Variants in OR2L13 observed in about 807,000 individuals in gnomAD.
The protein encoded by OR2L13 is olfactory receptor 2L13.
OR2L13 carries 14 observed loss-of-function variants against 15.3 expected under a neutral mutation model. The observed-to-expected ratio is 0.91, with a 90% CI of 0.60 to 1.43. The LOEUF (loss-of-function observed/expected upper bound fraction) is 1.43. Ranked by LOEUF, OR2L13 falls within the 40% of genes most tolerant of loss-of-function variation. OR2L13 has a pLI of 0.00. For synonymous variants in OR2L13, 152 were observed against 142.9 expected (o/e 1.06, Z -0.45); for missense variants, 367 against 387.9 (o/e 0.95, Z 0.45).
the OR2L13 span, among the ~76,000 whole-genome samples, chr1:248,036,943 A>C: frequency 6.6e-6 from 1 of 152,206 alleles, no homozygotes; most frequent in East Asian, 1.9e-4. Context: ...TATGTAATCT[A>C]AGCATGAGGG....
At chr1:248,060,555 C>T in the OR2L13 span, 1 of 724,296 alleles carries the variant, frequency 1.4e-6, no homozygotes, top group Non-Finnish European at 2.4e-6. Flanking sequence ...GTATATAGGG[C>T]TCAGTGTCAA....
chr1:248,075,203 C>G, the OR2L13 span, among the ~76,000 whole-genome samples: 1 of 152,176 alleles, frequency 6.6e-6, no homozygotes. Context: ...GACATGAACT[C>G]ATTCTTTTTT....
At chr1:247,992,318 G>A in the OR2L13 span, among the ~76,000 whole-genome samples, 119 of 152,080 alleles carry the variant, frequency 7.8e-4, no homozygotes, top group Non-Finnish European at 1.4e-3. Context: ...TATTTTTTAA[G>A]GCTTCCTGTC....
chr1:247,952,886 T>A, the OR2L13 span, among the ~76,000 whole-genome samples: 2 of 152,134 alleles, frequency 1.3e-5, no homozygotes, highest in African/African-American at 4.8e-5. Context: ...GAAGTTAGTT[T>A]ACTGAAAAAC....
chr1:247,965,564 T>G, the OR2L13 span: 1 of 1,605,842 alleles, frequency 6.2e-7, no homozygotes, highest in East Asian at 2.2e-5. Context: ...TACTTTCTGC[T>G]CAGTCAGCTC....
intron 1 of OR2L13, among the ~76,000 whole-genome samples, chr1:248,097,870 T>C (rs1664770545): frequency 6.6e-6 from 1 of 152,228 alleles, no homozygotes; most frequent in African/African-American, 2.4e-5. Context: ...ATCAGGACAG[T>C]TGGTCGCCCA....
the OR2L13 span, among the ~76,000 whole-genome samples, chr1:248,073,504 A>T: frequency 6.6e-6 from 1 of 152,090 alleles, no homozygotes; most frequent in Admixed American, 6.6e-5. Context: ...GAGGGATAGC[A>T]TTAGGAGATA....
the OR2L13 span, among the ~76,000 whole-genome samples, chr1:248,085,081 C>G: frequency 4.6e-5 from 7 of 152,210 alleles, no homozygotes; most frequent in East Asian, 1.4e-3. Flanking sequence ...AAGCCTGTGC[C>G]AAGCCTTGTC....
the OR2L13 span, among the ~76,000 whole-genome samples, chr1:248,079,551 A>C: frequency 6.6e-6 from 1 of 152,196 alleles, no homozygotes; most frequent in African/African-American, 2.4e-5. Context: ...ACCTAATATC[A>C]AAACGTTTTA....
At chr1:247,986,430 G>A in the OR2L13 span, among the ~76,000 whole-genome samples, 27 of 152,174 alleles carry the variant, frequency 1.8e-4, no homozygotes, top group African/African-American at 5.5e-4. Flanking sequence ...GTAGATATGC[G>A]GCATTATTTC....
the OR2L13 span, among the ~76,000 whole-genome samples, chr1:247,981,244 A>G: frequency 6.6e-6 from 1 of 152,250 alleles, no homozygotes; most frequent in African/African-American, 2.4e-5. Flanking sequence ...TCCACATATA[A>G]TAATCCAGTC....
chr1:247,958,136 G>C, the OR2L13 span, among the ~76,000 whole-genome samples: 121,322 of 151,956 alleles, frequency 0.8, 52,607 homozygotes, highest in South Asian at 0.95. Flanking sequence ...ATTCTGGTAT[G>C]TTGTGTCTTT....
chr1:247,990,737 C>G, the OR2L13 span: 3 of 1,581,200 alleles, frequency 1.9e-6, no homozygotes, highest in South Asian at 1.1e-5. Flanking sequence ...AACTCTTGTG[C>G]TCACACGGTA....
At chr1:248,016,947 T>C in the OR2L13 span, among the ~76,000 whole-genome samples, 4,784 of 152,222 alleles carry the variant, frequency 0.031, 225 homozygotes, top group African/African-American at 0.11. Context: ...AATGGAATTA[T>C]GGAAGAAATC....
At chr1:248,075,711 T>C in the OR2L13 span, among the ~76,000 whole-genome samples, 1 of 152,210 alleles carries the variant, frequency 6.6e-6, no homozygotes, top group Non-Finnish European at 1.5e-5. Context: ...TTTGTTTTTC[T>C]CTTGTAAATT....
At chr1:247,965,882 G>C in the OR2L13 span, 5 of 1,613,716 alleles carry the variant, frequency 3.1e-6, no homozygotes, top group South Asian at 2.2e-5. Context: ...CTTCCATTCT[G>C]TAGGTCTCGG....
At chr1:248,004,746 C>A in the OR2L13 span, among the ~76,000 whole-genome samples, 2 of 152,114 alleles carry the variant, frequency 1.3e-5, no homozygotes, top group African/African-American at 2.4e-5. Flanking sequence ...ACATTTAGTT[C>A]TTTAACCCAT....
At chr1:248,023,508 C>A in the OR2L13 span, 2 of 152,128 alleles carry the variant, frequency 1.3e-5, no homozygotes, top group African/African-American at 4.8e-5. Context: ...GTTATTTGAA[C>A]CATTCCCCAG....
the OR2L13 span, among the ~76,000 whole-genome samples, chr1:248,006,509 C>G: frequency 2.6e-5 from 4 of 152,082 alleles, no homozygotes; most frequent in African/African-American, 9.6e-5. Context: ...GTGCATAGGT[C>G]CATGAAACCA....
Sources: gnomAD v4.1 joint callset for allele counts (sites outside exome capture counted in the v4.1 genomes callset) on GRCh38, gnomAD v4.1.1 for gene constraint, MANE v1.5 for transcripts, NCBI Gene and HGNC (gene_info 2026-07-23, HGNC 2026-07-21) for gene names.